CDH13: variants seen among roughly 807,000 people sequenced by gnomAD.
CDH13 encodes the protein cadherin 13, also known as cadherin-13.
CDH13 carries 24 observed loss-of-function variants against 63.8 expected under a neutral mutation model. The ratio of observed to expected loss-of-function variants is 0.38; its 90% CI spans 0.27 to 0.53. The LOEUF is 0.53. CDH13 is among the 20% of genes least tolerant of loss of function. The pLI is 0.85. For missense variants in CDH13, 1,049 were observed against 903.1 expected (o/e 1.16, Z -2.07); for synonymous variants, 503 against 355.3 (o/e 1.42, Z -4.67).
At chr16:83,694,781 C>T (rs1335822352) in intron 10 of CDH13, among the ~76,000 whole-genome samples, 2 of 152,212 alleles carry the variant, frequency 1.3e-5, no homozygotes, top group African/African-American at 4.8e-5. Flanking sequence ...CACTCTGCCC[C>T]AATACCTCCC....
intron 7 of CDH13, among the ~76,000 whole-genome samples, chr16:83,530,196 A>G (rs1269157962): frequency 1.3e-5 from 2 of 152,150 alleles, no homozygotes; most frequent in East Asian, 3.8e-4. Context: ...ATAATTTGTA[A>G]TAGGTTAAAT....
intron 2 of CDH13, among the ~76,000 whole-genome samples, chr16:82,990,889 G>T (rs1597369863): frequency 6.6e-6 from 1 of 152,056 alleles, no homozygotes; most frequent in African/African-American, 2.4e-5. Flanking sequence ...CAGCACCAAG[G>T]CTCATACATA....
At chr16:83,010,825 TG>T (rs1232815481) in intron 2 of CDH13, among the ~76,000 whole-genome samples, 1 of 152,230 alleles carries the variant, frequency 6.6e-6, no homozygotes, top group Non-Finnish European at 1.5e-5. Context: ...TTACTAGTAG[TG>T]GAGCTTACGT....
intron 7 of CDH13, among the ~76,000 whole-genome samples, chr16:83,596,056 G>T (rs568600895): frequency 1.3e-5 from 2 of 152,176 alleles, no homozygotes; most frequent in Admixed American, 6.5e-5. Flanking sequence ...GATTACATTC[G>T]TCTTTCCTCT....
intron 6 of CDH13, among the ~76,000 whole-genome samples, chr16:83,483,765 C>G (rs2073826365): frequency 6.6e-6 from 1 of 152,142 alleles, no homozygotes; most frequent in Non-Finnish European, 1.5e-5. Context: ...CCTCTGATTT[C>G]TGATGGGGAT....
chr16:83,384,915 T>C (rs911785561), intron 6 of CDH13, among the ~76,000 whole-genome samples: 1 of 152,228 alleles, frequency 6.6e-6, no homozygotes, highest in East Asian at 1.9e-4. Context: ...GGAAAGTATT[T>C]TGTACATAGT....
chr16:83,272,107 C>A (rs2088838959), intron 5 of CDH13, among the ~76,000 whole-genome samples: 2 of 151,946 alleles, frequency 1.3e-5, no homozygotes, highest in South Asian at 2.1e-4. Flanking sequence ...TTGTTTATTC[C>A]ACAAAAATTT....
chr16:82,682,645 T>C (rs890594670), intron 1 of CDH13, among the ~76,000 whole-genome samples: 1 of 152,272 alleles, frequency 6.6e-6, no homozygotes, highest in Non-Finnish European at 1.5e-5. Context: ...ATTTGCCCCC[T>C]AGGAAATTCA....
rs983563716 is a variant in CDH13 at position 82,644,452 on chromosome 16, A to G, written c.45+17315A>G. ...CCTCACTCGTGGGTTGATGATTTCTATCCTTTGTCATGTTGAAAATGCTGA... is the reference window on the plus strand; with the variant it reads ...CCTCACTCGTGGGTTGATGATTTCTGTCCTTTGTCATGTTGAAAATGCTGA... On this transcript the variant is annotated intron_variant, in intron 1 of 13. Coordinates refer to ENST00000567109, the MANE Select transcript of CDH13 (RefSeq NM_001257.5). This position sits in a 1 kb window ranked among gnomAD's most constrained non-coding sequence, Gnocchi z 5.7. Among the ~76,000 whole-genome samples the G allele has an allele frequency of 5.3e-5, 8 of 152,108 alleles. No homozygotes were observed. In the East Asian group the frequency reaches 9.6e-4, roughly 18 times the overall value.
intron 5 of CDH13, among the ~76,000 whole-genome samples, chr16:83,271,883 G>C (rs539152120): frequency 4.6e-5 from 7 of 152,258 alleles, no homozygotes; most frequent in South Asian, 4.1e-4. Context: ...AGCCTCTTTA[G>C]CTGGATTAAT....
In CDH13 at chr16:83,204,601, C is replaced by T. The variant is rs1243709518; in HGVS notation, c.484-12744C>T. Among the ~76,000 whole-genome samples, 4 of 152,176 alleles carry T rather than the reference C, an allele frequency of 2.6e-5. No homozygotes were observed. The East Asian group carries it at 5.8e-4, about 22-fold the overall frequency. ...CAGCTTTCTATAAGTCCACGTTGTC[C>T]GTGAGCCCTGAACTGGGATGCAGAT... On this transcript the variant is annotated intron_variant, in intron 4 of 13. Coordinates refer to ENST00000567109, the MANE Select transcript of CDH13 (RefSeq NM_001257.5).
intron 6 of CDH13, among the ~76,000 whole-genome samples, chr16:83,372,347 C>G (rs1234421772): frequency 1.3e-5 from 2 of 152,164 alleles, no homozygotes; most frequent in South Asian, 2.1e-4. Context: ...CATGACAGTT[C>G]TAACTTCATG....
intron 5 of CDH13, among the ~76,000 whole-genome samples, chr16:83,324,883 C>T (rs1008069937): frequency 6.6e-6 from 1 of 152,170 alleles, no homozygotes; most frequent in African/African-American, 2.4e-5. Context: ...GATCAAAATG[C>T]TTAACATTGT....
At chr16:83,685,468 C>A (rs777775847) in intron 10 of CDH13, among the ~76,000 whole-genome samples, 3 of 152,156 alleles carry the variant, frequency 2.0e-5, no homozygotes, top group African/African-American at 7.2e-5. Flanking sequence ...ATATGGATTA[C>A]AGCAATTCAT....
intron 1 of CDH13, among the ~76,000 whole-genome samples, chr16:82,810,461 A>G (rs1025977922): frequency 1.3e-5 from 2 of 152,148 alleles, no homozygotes; most frequent in African/African-American, 4.8e-5. Context: ...TCATTTTGAG[A>G]GGATCTCAAA....
intron 3 of CDH13, among the ~76,000 whole-genome samples, chr16:83,083,548 C>G (rs1416194580): frequency 6.6e-6 from 1 of 152,082 alleles, no homozygotes; most frequent in Non-Finnish European, 1.5e-5. Context: ...GTAACAGAGC[C>G]CAAAACACAT....
rs2040009478 is a variant in CDH13 at position 83,232,007 on chromosome 16, A to G, written c.636+14510A>G. 1.3e-5 allele frequency among the ~76,000 whole-genome samples: 2 copies of G among 151,840 alleles called. 1 individual carries two copies. The highest frequency in any genetic ancestry group is 4.2e-4 in the South Asian group (2 of 4,804). ...CCACATGTTCTAACTTATAAGTGGG[A>G]GCTAAACAATGAGAACACATGGACA... On this transcript the variant is annotated intron_variant, in intron 5 of 13. Transcript: ENST00000567109.
chr16:82,953,387 C>G (rs986096134), intron 2 of CDH13: 1 of 152,136 alleles, frequency 6.6e-6, no homozygotes, highest in African/African-American at 2.4e-5. Context: ...CATGGGGTTT[C>G]TAGCTCTTAG....
chr16:83,540,725 C>G (rs1448512871), intron 7 of CDH13, among the ~76,000 whole-genome samples: 2 of 152,162 alleles, frequency 1.3e-5, no homozygotes, highest in African/African-American at 4.8e-5. Context: ...GTTGTAGTGA[C>G]TGGTCTCAAG....
Sources: gnomAD v4.1 joint callset for allele counts (sites outside exome capture counted in the v4.1 genomes callset) on GRCh38, gnomAD v4.1.1 for gene constraint, Gnocchi (gnomAD v3.1) non-coding constraint, MANE v1.5 for transcripts, NCBI Gene and HGNC (gene_info 2026-07-23, HGNC 2026-07-21) for gene names.